Variants in SCAI observed in about 807,000 individuals in gnomAD.
The protein encoded by SCAI is protein SCAI.
A neutral mutation model predicts 92.2 loss-of-function variants in SCAI; 24 were observed. That is an observed-to-expected ratio of 0.26 (90% confidence interval 0.19 to 0.37). The LOEUF is 0.37. Ranked by LOEUF, SCAI falls within the 10% of genes least tolerant of loss-of-function variation. The pLI is 1.00. For synonymous variants in SCAI, 261 were observed against 258.6 expected, an observed-to-expected ratio of 1.01 and a Z score of -0.09; for missense variants, 450 against 736.2, an observed-to-expected ratio of 0.61 and a Z score of 4.50.
intron 15 of SCAI, among the ~76,000 whole-genome samples, chr9:124,972,105 ATT>A (rs1484445546): frequency 6.6e-6 from 1 of 152,140 alleles, no homozygotes; most frequent in Non-Finnish European, 1.5e-5. Context: ...CAATTAACAA[ATT>A]TCATCCAAAT....
At chr9:125,077,127 A>C (rs79458748) in intron 2 of SCAI, among the ~76,000 whole-genome samples, 3,532 of 152,320 alleles carry the variant, frequency 0.023, 146 homozygotes, top group African/African-American at 0.081. Flanking sequence ...TGACAGAGCC[A>C]GTCCCCACTC....
chr9:125,120,836 C>T (rs1835143154), intron 2 of SCAI, among the ~76,000 whole-genome samples: 1 of 152,006 alleles, frequency 6.6e-6, no homozygotes, highest in South Asian at 2.1e-4. Context: ...GTGCCAAGAT[C>T]ATGCCACTGC....
chr9:125,021,784 T>G (rs1235486335), intron 6 of SCAI, among the ~76,000 whole-genome samples: 2 of 152,202 alleles, frequency 1.3e-5, no homozygotes, highest in African/African-American at 4.8e-5. Context: ...ACTTTTTTTT[T>G]GTTTAAGAGA....
intron 2 of SCAI, among the ~76,000 whole-genome samples, chr9:125,093,475 A>C (rs1834483122): frequency 6.6e-6 from 1 of 152,096 alleles, no homozygotes; most frequent in Non-Finnish European, 1.5e-5. Context: ...CCTGAGCTCA[A>C]ATCTCTGAGA....
intron 9 of SCAI, among the ~76,000 whole-genome samples, chr9:125,018,557 C>T (rs887438001): frequency 1.3e-5 from 2 of 152,172 alleles, no homozygotes; most frequent in African/African-American, 4.8e-5. Context: ...AATTCTGCTT[C>T]CTGGCTCCAT....
At chr9:124,981,932 A>C (rs985223928) in intron 14 of SCAI, among the ~76,000 whole-genome samples, 1 of 152,210 alleles carries the variant, frequency 6.6e-6, no homozygotes, top group African/African-American at 2.4e-5. Context: ...GACGTGAGAT[A>C]CTGCACCTGG....
chr9:125,109,979 T>G (rs911289366), intron 2 of SCAI, among the ~76,000 whole-genome samples: 1 of 152,186 alleles, frequency 6.6e-6, no homozygotes, highest in Non-Finnish European at 1.5e-5. Context: ...TGAGCCACCA[T>G]GTCTGGCCCC....
chr9:125,127,664 A>G (rs924205761), intron 2 of SCAI, among the ~76,000 whole-genome samples: 3 of 152,162 alleles, frequency 2.0e-5, no homozygotes, highest in African/African-American at 7.2e-5. Flanking sequence ...TCTTTTGCAA[A>G]TAAGTAATAT....
intron 17 of SCAI, chr9:124,968,273 T>G: frequency 2.6e-6 from 3 of 1,133,368 alleles, no homozygotes; most frequent in Non-Finnish European, 4.0e-6. Flanking sequence ...GCTTTTAATA[T>G]CCTTAAAACC....
At chr9:125,046,272 C>G (rs1273736826) in intron 3 of SCAI, among the ~76,000 whole-genome samples, 4 of 113,298 alleles carry the variant, frequency 3.5e-5, no homozygotes, top group African/African-American at 3.3e-5. Context: ...TACACACACA[C>G]ATATATATAT....
At chr9:124,965,241 T>C (rs1046873761) in intron 17 of SCAI, among the ~76,000 whole-genome samples, 1 of 152,174 alleles carries the variant, frequency 6.6e-6, no homozygotes, top group African/African-American at 2.4e-5. Context: ...TTTTTGTGTG[T>C]ATGTCGGGGG....
At chr9:124,972,119 T>C (rs1831672417) in intron 15 of SCAI, among the ~76,000 whole-genome samples, 1 of 152,210 alleles carries the variant, frequency 6.6e-6, no homozygotes, top group South Asian at 2.1e-4. Context: ...CATCCAAATA[T>C]GGCAAGTGTT....
intron 9 of SCAI, among the ~76,000 whole-genome samples, chr9:125,006,328 G>A (rs1480981730): frequency 6.6e-6 from 1 of 152,092 alleles, no homozygotes; most frequent in African/African-American, 2.4e-5. Context: ...CCAGCCAAGA[G>A]GCGGGGATTA....
chr9:124,988,418 C>A (rs990784189), intron 14 of SCAI, among the ~76,000 whole-genome samples: 1 of 151,616 alleles, frequency 6.6e-6, no homozygotes, highest in Non-Finnish European at 1.5e-5. Context: ...GAAGCAGATA[C>A]GAGGCAGGGA....
chr9:124,955,629 T>A (rs7033132), intron 17 of SCAI, among the ~76,000 whole-genome samples: 149 of 149,800 alleles, frequency 9.9e-4, no homozygotes, highest in Non-Finnish European at 1.8e-3. Context: ...TCAAAAAAAA[T>A]TTTTTTAAAT....
At chr9:124,956,819 AAAGCACTAATAAC>A (rs1831321582) in intron 17 of SCAI, among the ~76,000 whole-genome samples, 1 of 152,212 alleles carries the variant, frequency 6.6e-6, no homozygotes, top group Non-Finnish European at 1.5e-5. Context: ...GCCCTGATAT[AAAGCACTAATAAC>A]AAGAAAAGGC....
chr9:125,055,289 T>C (rs1371832248), intron 3 of SCAI, among the ~76,000 whole-genome samples: 2 of 152,174 alleles, frequency 1.3e-5, no homozygotes, highest in African/African-American at 4.8e-5. Flanking sequence ...CTAATGAAGC[T>C]TTAGGTCTGA....
intron 3 of SCAI, among the ~76,000 whole-genome samples, chr9:125,053,389 A>T (rs1167508347): frequency 6.6e-6 from 1 of 152,150 alleles, no homozygotes; most frequent in African/African-American, 2.4e-5. Context: ...TGTTCACAGG[A>T]CTATTATTCT....
intron 2 of SCAI, among the ~76,000 whole-genome samples, chr9:125,136,647 G>T (rs1482633098): frequency 1.3e-5 from 2 of 151,306 alleles, no homozygotes; most frequent in African/African-American, 4.9e-5. Flanking sequence ...TTTTAGTAGA[G>T]ACGGGGTTTC....
Sources: allele counts gnomAD v4.1 joint callset (sites outside exome capture counted in the v4.1 genomes callset), GRCh38; gene constraint gnomAD v4.1.1; transcripts MANE v1.5; gene names NCBI Gene and HGNC (gene_info 2026-07-23, HGNC 2026-07-21).